The following CHD3 variants were observed in gnomAD, a reference collection of about 807,000 sequenced individuals.
CHD3 encodes the protein ATP-dependent chromatin remodeler CHD3.
A neutral mutation model predicts 248.9 loss-of-function variants in CHD3; 52 were observed. That is an observed-to-expected ratio of 0.21 (90% CI 0.17 to 0.26). The LOEUF (loss-of-function observed/expected upper bound fraction) is 0.26. Ranked by LOEUF, CHD3 falls within the 10% of genes least tolerant of loss-of-function variation. The pLI is 1.00. For missense variants in CHD3, 1,482 were observed against 2,605.8 expected, an observed-to-expected ratio of 0.57 and a Z score of 9.39; for synonymous variants, 985 against 985.2, an observed-to-expected ratio of 1.00 and a Z score of 0.00.
rs2151657548 is a variant in CHD3 at position 7,908,396 on chromosome 17, T to C, written c.5153-6T>C. ...TTACCTCTTCTGTCTGCTGCCTTCT[T>C]TGCAGAGCTTCACACACTGTGGCAG... On this transcript the variant is annotated splice_region_variant and splice_polypyrimidine_tract_variant and intron_variant, in intron 34 of 39. Coordinates refer to ENST00000330494, the MANE Select transcript of CHD3 (RefSeq NM_001005273.3). This position sits in a 1 kb window ranked among gnomAD's most constrained non-coding sequence, Gnocchi z 5.8. The C allele has an allele frequency of 6.2e-7, 1 of 1,611,400 alleles. No individual in the cohort carries two copies. Among genetic ancestry groups the C allele is most frequent in the South Asian group, 1.1e-5 (1 of 90,554 alleles).
rs1422604506 is a variant in CHD3, at chr17:7,904,697, AG to A, written c.4072+81del. On this transcript the variant is annotated intron_variant, in intron 25 of 39. Coordinates refer to ENST00000330494, the MANE Select transcript of CHD3 (RefSeq NM_001005273.3). This position sits in a 1 kb window ranked among gnomAD's most constrained non-coding sequence, Gnocchi z 4.4. ...GGACTTGAAGGCTGGAGCTATTTAG[AG>A]GGAAAGAGAGAAGCCTAGAAGTCAG... 3.8e-6 allele frequency: 5 copies of A among 1,319,910 alleles called. No homozygotes were observed. Among genetic ancestry groups the A allele is most frequent in the Admixed American group, 4.6e-5 (2 of 43,434 alleles). The allele number at this position is 1,319,910 out of a possible 1,614,324, so 81.8% of individuals were successfully genotyped here. A position where few individuals can be genotyped will look rare whatever the true frequency, so the allele number is the denominator to read the frequency against.
intron 4 of CHD3, among the ~76,000 whole-genome samples, chr17:7,891,690 G>A (rs1455680673): frequency 2.6e-5 from 4 of 151,960 alleles, no homozygotes; most frequent in Non-Finnish European, 4.4e-5. Flanking sequence ...GTGAAACCCC[G>A]TCTCTACTAA....
In CHD3 at chr17:7,893,597, A is replaced by T. The variant is rs759730647; in HGVS notation, c.793+28A>T. The T allele has an allele frequency of 3.7e-5, 57 of 1,542,688 alleles. No individual in the cohort carries two copies. The Middle Eastern group carries it at 8.8e-4, about 24-fold the overall frequency. On this transcript the variant is annotated intron_variant, in intron 5 of 39. Coordinates refer to ENST00000330494, the MANE Select transcript of CHD3 (RefSeq NM_001005273.3). The stretch of plus-strand genomic sequence containing the variant: ...AGGGAACTCTCTTCCAACAACTGTC[A>T]TCTCACCTTCCAAACTGCATGTCTT...
In CHD3 at chr17:7,901,372, G is replaced by A. The variant is rs1364079508; in HGVS notation, c.3249G>A (p.Ser1083=). 2.5e-6 allele frequency: 4 copies of A among 1,603,372 alleles called. No individual in the cohort carries two copies. Among genetic ancestry groups the A allele is most frequent in the South Asian group, 2.2e-5 (2 of 89,922 alleles). Residue 1083 remains serine, a synonymous_variant, in exon 20 of 40, where the codon TCG becomes TCA. Transcript: ENST00000330494. ...KEQGHRVLIF[S]QMTKMLDLLE... ...AAGGACACCGAGTGCTCATCTTCTCGCAGGTGACCTGTGCCCTTAGCTGTC... is the reference window on the plus strand; with the variant it reads ...AAGGACACCGAGTGCTCATCTTCTCACAGGTGACCTGTGCCCTTAGCTGTC...
At position 7,907,543 on chromosome 17, in the gene CHD3, C is replaced by G. The variant is rs1393997732; in HGVS notation, c.4924+55C>G. The G allele has an allele frequency of 1.2e-5, 19 of 1,533,172 alleles. No individual in the cohort carries two copies. The highest frequency in any genetic ancestry group is 1.7e-5 in the Non-Finnish European group (19 of 1,140,606). The allele number at this position is 1,533,172 out of a possible 1,614,324, so 95.0% of individuals were successfully genotyped here. On this transcript the variant is annotated intron_variant, in intron 32 of 39. Coordinates refer to ENST00000330494, the MANE Select transcript of CHD3 (RefSeq NM_001005273.3). This position sits in a 1 kb window ranked among gnomAD's most constrained non-coding sequence, Gnocchi z 4.3. ...GATTAGAATTTGGGATTTCCCTCTT[C>G]TGGGGTCAGGGGATGAGGGTAACAT... is the stretch of plus-strand genomic sequence containing the variant.
At chr17:7,898,139 C>T (rs761767060) in intron 12 of CHD3, 37 bp downstream of exon 12, 30 of 1,606,530 alleles carry the variant, frequency 1.9e-5, no homozygotes, top group Middle Eastern at 1.7e-4. Context: ...GGGATTCTGA[C>T]GATGAGGGCA....
In CHD3 at chr17:7,902,628, T is replaced by C. The variant is rs142481394; in HGVS notation, c.3271T>C (p.Leu1091=). 1 of 1,613,222 alleles carries C rather than the reference T, an allele frequency of 6.2e-7. No individual in the cohort carries two copies. The highest frequency in any genetic ancestry group is 8.5e-7 in the Non-Finnish European group (1 of 1,179,488). Residue 1091 remains leucine, a synonymous_variant, in exon 21 of 40, where the codon TTG becomes CTG. Coordinates refer to ENST00000330494, the MANE Select transcript of CHD3 (RefSeq NM_001005273.3). ...GCTCTAGATGACCAAAATGTTAGAC[T>C]TGCTTGAGGACTTCTTAGACTATGA... ...IFSQMTKMLD[L]LEDFLDYEGY...
rs2151615313 is a variant in CHD3 at position 7,904,490 on chromosome 17, C to T, written c.3943C>T (p.Pro1315Ser). The T allele has an allele frequency of 1.2e-6, 2 of 1,613,854 alleles. No individual in the cohort carries two copies. The highest frequency in any genetic ancestry group is 1.1e-5 in the South Asian group (1 of 91,060). Reference sequence around the variant, plus strand: ...CATCAAGCAGGAGGAGAATGTGGACCCTGACTACTGGGAGAAGCTGCTGAG... The same window carrying T: ...CATCAAGCAGGAGGAGAATGTGGACTCTGACTACTGGGAGAAGCTGCTGAG... ...EIIKQEENVDPDYWEKLLRHH... is the reference protein window; with the variant it reads ...EIIKQEENVDSDYWEKLLRHH... The change falls in exon 25 of 40, where the codon CCT (proline) becomes TCT (serine). Residue 1315 changes from proline (P) to serine (S), a missense_variant. Coordinates refer to ENST00000330494, the MANE Select transcript of CHD3 (RefSeq NM_001005273.3). The surrounding 1 kb of genome is among the most constrained non-coding windows in gnomAD (Gnocchi z 4.4).
Position 7,904,433 on chromosome 17 carries a change from G to A in CHD3, c.3895-9G>A. ...ACCCCCAGTGTTCATTCATTCTGTT[G>A]CCCTTCAGATTGAGGAAATTGAGCG... On this transcript the variant is annotated splice_polypyrimidine_tract_variant and intron_variant, in intron 24 of 39. Coordinates refer to ENST00000330494, the MANE Select transcript of CHD3 (RefSeq NM_001005273.3). The surrounding 1 kb of genome is among the most constrained non-coding windows in gnomAD (Gnocchi z 4.4). 6.2e-7 allele frequency: 1 copy of A among 1,610,220 alleles called. No individual in the cohort carries two copies. Among genetic ancestry groups the A allele is most frequent in the Non-Finnish European group, 8.5e-7 (1 of 1,177,074 alleles).
rs1419920763 is a variant in CHD3 at position 7,895,599 on chromosome 17, CCT to C, written c.1707+62_1707+63del. 1.4e-6 allele frequency: 2 copies of C among 1,443,068 alleles called. No homozygotes were observed. The highest frequency in any genetic ancestry group is 1.9e-6 in the Non-Finnish European group (2 of 1,029,868). 89.4% of individuals were successfully genotyped at this position (1,443,068 alleles called of 1,614,324 possible). A position where few individuals can be genotyped will look rare whatever the true frequency, so the allele number is the denominator to read the frequency against. On this transcript the variant is annotated intron_variant, in intron 10 of 39. Transcript: ENST00000330494. The surrounding 1 kb of genome is among the most constrained non-coding windows in gnomAD (Gnocchi z 4.9). The stretch of plus-strand genomic sequence containing the variant: ...TGACCTCATTTCCTGCCATCCTCTC[CCT>C]CTCTTACTCCTCTGTTTGTTGGGTT...
intron 13 of CHD3, 76 bp from the exon 14 acceptor site, chr17:7,898,935 T>C (rs1273245863): frequency 7.6e-6 from 10 of 1,308,988 alleles, no homozygotes; most frequent in South Asian, 1.2e-5. Flanking sequence ...TTGGTATCCA[T>C]GCCAGGGAGG....
rs1970489219 is a variant in CHD3, at chr17:7,902,932, C to T, written c.3371-5C>T. On this transcript the variant is annotated splice_polypyrimidine_tract_variant and splice_region_variant and intron_variant, in intron 21 of 39. Transcript: ENST00000330494. ...GAAAAACCTGATCCAACTCTCACCT[C>T]CTAGCTCCTGGGGCCCAACAATTCT... is the stretch of plus-strand genomic sequence containing the variant. 14 of 1,614,084 alleles carry T rather than the reference C, an allele frequency of 8.7e-6. No individual in the cohort carries two copies. The highest frequency in any genetic ancestry group is 1.2e-5 in the Non-Finnish European group (14 of 1,179,996).
rs1968495823 is a variant in CHD3, at chr17:7,889,412, G to A, written c.101-252G>A. Among the ~76,000 whole-genome samples the A allele has an allele frequency of 6.6e-6, 1 of 152,246 alleles. No homozygotes were observed. Among genetic ancestry groups the A allele is most frequent in the Non-Finnish European group, 1.5e-5 (1 of 68,030 alleles). ...CCCATGGCCTGGAGCCTGGTCTCTT[G>A]TTAGTAGGAGGGGAGGGAGGGGAGT... On this transcript the variant is annotated intron_variant, in intron 1 of 39. Coordinates refer to ENST00000330494, the MANE Select transcript of CHD3 (RefSeq NM_001005273.3). This position sits in a 1 kb window ranked among gnomAD's most constrained non-coding sequence, Gnocchi z 4.5.
chr17:7,900,459 A>C lies in CHD3; in HGVS notation c.2804+48A>C. The C allele has an allele frequency of 6.2e-7, 1 of 1,613,528 alleles. No homozygotes were observed. The highest frequency in any genetic ancestry group is 8.5e-7 in the Non-Finnish European group (1 of 1,179,638). On this transcript the variant is annotated intron_variant, in intron 17 of 39. Coordinates refer to ENST00000330494, the MANE Select transcript of CHD3 (RefSeq NM_001005273.3). This position sits in a 1 kb window ranked among gnomAD's most constrained non-coding sequence, Gnocchi z 6.5. ...TTGGCAGAGATGAGAGGTGGAGCAG[A>C]TAAAATGAGCTGGTAGAGGATTAAT... is the stretch of plus-strand genomic sequence containing the variant.
At chr17:7,898,414 G>A (rs1597960590) in intron 12 of CHD3, 82 bp from the exon 13 acceptor site, 2 of 1,019,194 alleles carry the variant, frequency 2.0e-6, no homozygotes, top group East Asian at 2.4e-5. Context: ...TGGACAGTGG[G>A]AAGTAGGTCT....
chr17:7,908,568 AAAG>A lies in CHD3; in HGVS notation c.5261+60_5261+62del. On this transcript the variant is annotated intron_variant, in intron 35 of 39. Coordinates refer to ENST00000330494, the MANE Select transcript of CHD3 (RefSeq NM_001005273.3). The surrounding 1 kb of genome is among the most constrained non-coding windows in gnomAD (Gnocchi z 5.8). ...GTTCTCTCAAGCTGGCAAAAAAAAAAAAGATGATTTCACACCCAGGGACAGGGC... is the reference window on the plus strand; with the variant it reads ...GTTCTCTCAAGCTGGCAAAAAAAAAAATGATTTCACACCCAGGGACAGGGC... 6.3e-7 allele frequency: 1 copy of A among 1,593,614 alleles called. No homozygotes were observed. Among genetic ancestry groups the A allele is most frequent in the Non-Finnish European group, 8.6e-7 (1 of 1,164,462 alleles).
chr17:7,889,395 C>T lies in CHD3; in HGVS notation c.101-269C>T, dbSNP rs1968491513. On this transcript the variant is annotated intron_variant, in intron 1 of 39. Coordinates refer to ENST00000330494, the MANE Select transcript of CHD3 (RefSeq NM_001005273.3). This position sits in a 1 kb window ranked among gnomAD's most constrained non-coding sequence, Gnocchi z 4.5. ...ACCTGCCACAGTCAGAGCCCATGGC[C>T]TGGAGCCTGGTCTCTTGTTAGTAGG... is the stretch of plus-strand genomic sequence containing the variant. Among the ~76,000 whole-genome samples, 1 of 152,236 alleles carries T rather than the reference C, an allele frequency of 6.6e-6. No homozygotes were observed. Among genetic ancestry groups the T allele is most frequent in the Non-Finnish European group, 1.5e-5 (1 of 68,030 alleles).
In CHD3 at chr17:7,910,920, T is replaced by C. The variant is rs1472986834; in HGVS notation, c.5828T>C (p.Leu1943Pro). 1.9e-6 allele frequency: 3 copies of C among 1,613,734 alleles called. No individual in the cohort carries two copies. Among genetic ancestry groups the C allele is most frequent in the South Asian group, 2.2e-5 (2 of 91,068 alleles). ...AAFSAAPVGA[L>P]AAAGANYSQM... ...TTCAGCGCCGCACCCGTAGGGGCCC[T>C]GGCCGCCGCAGGCGCCAATTACAGC... is the stretch of plus-strand genomic sequence containing the variant. Residue 1943 changes from leucine (L) to proline (P), a missense_variant, in exon 39 of 40, where the codon CTG becomes CCG. Physicochemically the swap from Leu to Pro is moderately conservative, Grantham distance 98 (BLOSUM62 -3). Around this residue, in one of 20 missense-constraint regions of CHD3, gnomAD observed 117 missense variants for 137.2 expected, o/e 0.85. Coordinates refer to ENST00000330494, the MANE Select transcript of CHD3 (RefSeq NM_001005273.3). This position sits in a 1 kb window ranked among gnomAD's most constrained non-coding sequence, Gnocchi z 4.7.
In CHD3 at chr17:7,895,240, C is replaced by A; in HGVS notation, c.1503+90C>A. The stretch of plus-strand genomic sequence containing the variant: ...CCCACATGTCCAGCTTTTCATTTCT[C>A]TGCACTCCCCCACCCTTGTGGGACC... On this transcript the variant is annotated intron_variant, in intron 9 of 39. Coordinates refer to ENST00000330494, the MANE Select transcript of CHD3 (RefSeq NM_001005273.3). The surrounding 1 kb of genome is among the most constrained non-coding windows in gnomAD (Gnocchi z 4.9). The A allele has an allele frequency of 6.3e-7, 1 of 1,580,626 alleles. No individual in the cohort carries two copies. The highest frequency in any genetic ancestry group is 1.2e-5 in the South Asian group (1 of 85,758).
Sources: allele counts gnomAD v4.1 joint callset (sites outside exome capture counted in the v4.1 genomes callset), GRCh38; gene constraint gnomAD v4.1.1; regional missense constraint gnomAD v4.1.1; non-coding constraint Gnocchi (gnomAD v3.1); transcripts MANE v1.5; gene names NCBI Gene and HGNC (gene_info 2026-07-23, HGNC 2026-07-21).